PRH1: variants seen among roughly 807,000 people sequenced by gnomAD.
PRH1 encodes the protein proline rich protein HaeIII subfamily 1.
In PRH1, 7 loss-of-function variants were observed where a neutral mutation model predicts 7.9. The ratio of observed to expected loss-of-function variants is 0.89; its 90% CI spans 0.50 to 1.67. PRH1 has a LOEUF of 1.67. Among genes scored for constraint, PRH1 ranks in the 40% most tolerant of loss-of-function variants. The pLI, the probability that PRH1 is intolerant of heterozygous loss-of-function variation, is 0.00. For missense variants in PRH1, 109 were observed against 223.6 expected (o/e 0.49, Z 3.27); for synonymous variants, 45 against 80.8 (o/e 0.56, Z 2.38).
chr12:11,015,058 C>T lies in PRH1; in HGVS notation c.-126+31962G>A, dbSNP rs553828548. ...AATAGGGCGAGTAGGCTGAGGCATA[C>T]GTGTTAAGAGAGAAAAGGGTAGAAA... On this transcript the variant is annotated intron_variant, in intron 1 of 3. Coordinates refer to the PRH1 transcript ENST00000539853. 5.5e-4 allele frequency among the ~76,000 whole-genome samples: 83 copies of T among 152,172 alleles called. 2 individuals are homozygous for T. In the South Asian group the frequency reaches 0.015, roughly 27 times the overall value.
At chr12:11,022,414 A>C in intron 1 of PRH1, 3 of 1,590,702 alleles carry the variant, frequency 1.9e-6, no homozygotes, top group Non-Finnish European at 2.6e-6. Context: ...AATTCTGGAG[A>C]CCACCAGAGC....
At position 10,940,358 on chromosome 12, in the gene PRH1, C is replaced by T. The variant is rs1248942493; in HGVS notation, c.-59+33297G>A. ...TTTAGTACTGTGATAGTTTTAAACA[C>T]ATTTAAAAAGACTTGCAAGTTTATA... On this transcript the variant is annotated intron_variant, in intron 2 of 3. Transcript: ENST00000539853. Among the ~76,000 whole-genome samples the T allele has an allele frequency of 3.9e-5, 6 of 152,256 alleles. No individual in the cohort carries two copies. The East Asian group carries it at 1.2e-3, about 29-fold the overall frequency.
At chr12:11,042,623 C>CT (rs71051557) in intron 1 of PRH1, among the ~76,000 whole-genome samples, 21,262 of 78,752 alleles carry the variant, frequency 0.27, 3,995 homozygotes, top group East Asian at 0.49. Flanking sequence ...CAGGCTCATT[C>CT]TTTTTTTTTT....
intron 1 of PRH1, among the ~76,000 whole-genome samples, chr12:11,145,583 T>C (rs1029901153): frequency 3.9e-5 from 6 of 152,126 alleles, no homozygotes; most frequent in Non-Finnish European, 8.8e-5. Context: ...AATGTTAGAA[T>C]TAAAAGGTAT....
At chr12:10,914,861 G>A (rs1014990766) in intron 2 of PRH1, among the ~76,000 whole-genome samples, 2 of 152,206 alleles carry the variant, frequency 1.3e-5, no homozygotes, top group African/African-American at 4.8e-5. Context: ...GGGCACGGTG[G>A]CTCACGCCTG....
downstream of PRH1, among the ~76,000 whole-genome samples, chr12:11,119,290 G>A (rs958778256): frequency 7.0e-6 from 1 of 142,790 alleles, no homozygotes; most frequent in African/African-American, 2.6e-5. Context: ...GGGGCTAAAG[G>A]GAAGGTGTGG....
Position 10,981,525 on chromosome 12 carries a change from C to T in PRH1, c.-125-7804G>A, listed in dbSNP as rs186277252. Reference sequence around the variant, plus strand: ...AGTGGCTTGGATTACAGGTGCAACACCACCACACCTGGCTAATTTTTGTAT... The same window carrying T: ...AGTGGCTTGGATTACAGGTGCAACATCACCACACCTGGCTAATTTTTGTAT... On this transcript the variant is annotated intron_variant, in intron 1 of 3. Coordinates refer to the PRH1 transcript ENST00000539853. Among the ~76,000 whole-genome samples the T allele has an allele frequency of 2.5e-3, 377 of 152,006 alleles. 2 individuals are homozygous for T. The highest frequency in any genetic ancestry group is 2.0e-3 in the Non-Finnish European group (133 of 67,980).
intron 1 of PRH1, among the ~76,000 whole-genome samples, chr12:11,040,826 T>G (rs1942677703): frequency 6.6e-6 from 1 of 152,230 alleles, no homozygotes; most frequent in South Asian, 2.1e-4. Context: ...TCCTCATTTG[T>G]TTTGTTTTTG....
chr12:10,995,974 T>C (rs1940206006), intron 1 of PRH1, among the ~76,000 whole-genome samples: 1 of 152,066 alleles, frequency 6.6e-6, no homozygotes, highest in Admixed American at 6.6e-5. Flanking sequence ...TTTTCACCCT[T>C]GAATTTTATT....
intron 1 of PRH1, among the ~76,000 whole-genome samples, chr12:11,136,476 C>T (rs1351080528): frequency 1.3e-5 from 2 of 151,898 alleles, no homozygotes; most frequent in African/African-American, 2.4e-5. Context: ...GTATATATAC[C>T]TTTGGGTAAA....
At chr12:11,128,630 G>A (rs1946219668) in intron 1 of PRH1, among the ~76,000 whole-genome samples, 2 of 149,906 alleles carry the variant, frequency 1.3e-5, no homozygotes, top group Admixed American at 6.7e-5. Flanking sequence ...CCTATAATCC[G>A]AGCCACTCGG....
chr12:11,137,931 A>T (rs2597920), intron 1 of PRH1, among the ~76,000 whole-genome samples: 2 of 151,856 alleles, frequency 1.3e-5, no homozygotes, highest in African/African-American at 4.8e-5. Context: ...TAGACTTCAA[A>T]GTAATGAGAG....
intron 1 of PRH1, among the ~76,000 whole-genome samples, chr12:11,024,063 G>C (rs538922322): frequency 3.9e-5 from 6 of 152,308 alleles, no homozygotes; most frequent in South Asian, 2.1e-4. Flanking sequence ...ATCTGTGGTT[G>C]GCAGGTAACA....
At chr12:10,938,486 G>T (rs1408495170) in intron 2 of PRH1, 1 of 1,614,024 alleles carries the variant, frequency 6.2e-7, no homozygotes, top group Non-Finnish European at 8.5e-7. Flanking sequence ...AGAGAAAATG[G>T]CATAGAGTAG....
intron 2 of PRH1, among the ~76,000 whole-genome samples, chr12:10,920,712 T>G (rs1331034405): frequency 2.0e-5 from 3 of 152,080 alleles, no homozygotes. Flanking sequence ...TTCTTTAAAT[T>G]TCCATCCAAA....
At chr12:10,940,410 C>T (rs1383616671) in intron 2 of PRH1, among the ~76,000 whole-genome samples, 11 of 152,170 alleles carry the variant, frequency 7.2e-5, no homozygotes, top group East Asian at 5.8e-4. Flanking sequence ...GTAAATATTC[C>T]GGAGACTTTG....
chr12:11,137,201 C>A (rs1213917005), intron 1 of PRH1, among the ~76,000 whole-genome samples: 1 of 141,564 alleles, frequency 7.1e-6, no homozygotes, highest in African/African-American at 2.5e-5. Context: ...CTCCACCAAT[C>A]TATTCCACGA....
intron 2 of PRH1, chr12:10,938,504 G>A: frequency 6.2e-7 from 1 of 1,614,064 alleles, no homozygotes; most frequent in Non-Finnish European, 8.5e-7. Flanking sequence ...TAGGAAGAAA[G>A]TGATCACACT....
Position 11,065,680 on chromosome 12 carries a change from AAAC to A in PRH1, n.124-18495_124-18493del, listed in dbSNP as rs1427965274. On this transcript the variant is annotated intron_variant and non_coding_transcript_variant, in intron 1 of 4. Transcript: ENST00000541977. The stretch of plus-strand genomic sequence containing the variant: ...TAAATCATTTTTTAATGGAGAAACT[AAAC>A]AAAGTATTTATAACACCAACTTCTT... Among the ~76,000 whole-genome samples, 48 of 152,206 alleles carry A rather than the reference AAAC, an allele frequency of 3.2e-4. No homozygotes were observed. In the East Asian group the frequency reaches 7.5e-3, roughly 24 times the overall value.
Sources: allele counts gnomAD v4.1 joint callset (sites outside exome capture counted in the v4.1 genomes callset), GRCh38; gene constraint gnomAD v4.1.1; transcripts MANE v1.5; gene names NCBI Gene and HGNC (gene_info 2026-07-23, HGNC 2026-07-21).